The following ARID4B variants were observed in gnomAD, a reference collection of about 807,000 sequenced individuals.
ARID4B encodes the protein AT-rich interactive domain-containing protein 4B.
A neutral mutation model predicts 147.5 loss-of-function variants in ARID4B; 26 were observed. The observed-to-expected ratio is 0.18, with a 90% CI of 0.13 to 0.24. The LOEUF (loss-of-function observed/expected upper bound fraction) is 0.24, where lower values mean the gene tolerates loss of function less well. Among genes scored for constraint, ARID4B ranks in the 10% least tolerant of loss-of-function variants. The pLI is 1.00. For missense variants in ARID4B, 1,179 were observed against 1,511.5 expected (o/e 0.78, Z 3.65); for synonymous variants, 512 against 507.9 (o/e 1.01, Z -0.11).
At position 235,227,830 on chromosome 1, in the gene ARID4B, A is replaced by ATT. The variant is rs1166758894; in HGVS notation, c.897+1399_897+1400dup. ...AGATATTGATCTTTACTTTTCTGCT[A>ATT]TTTTTTTTTTTTTTTTTTTTGAGAC... On this transcript the variant is annotated intron_variant, in intron 11 of 23. Transcript: ENST00000264183. Among the ~76,000 whole-genome samples the ATT allele has an allele frequency of 3.1e-3, 391 of 125,280 alleles. 4 individuals carry two copies. The highest frequency in any genetic ancestry group is 0.01 in the African/African-American group (334 of 31,894). 82.2% of individuals were successfully genotyped at this position (125,280 alleles called of 152,430 possible).
intron 2 of ARID4B, among the ~76,000 whole-genome samples, chr1:235,301,516 G>A (rs1673137386): frequency 6.7e-6 from 1 of 148,988 alleles, no homozygotes. Context: ...TCCAGCCGGT[G>A]AGAGTGAGAC....
intron 21 of ARID4B, among the ~76,000 whole-genome samples, chr1:235,176,511 G>C (rs1285664078): frequency 7.4e-6 from 1 of 135,068 alleles, no homozygotes; most frequent in Non-Finnish European, 1.6e-5. Flanking sequence ...AAATAGTAAA[G>C]GTAGATAGCA....
chr1:235,246,479 C>T lies in ARID4B; in HGVS notation c.387G>A (p.Glu129=). The T allele has an allele frequency of 6.2e-7, 1 of 1,613,878 alleles. No homozygotes were observed. The highest frequency in any genetic ancestry group is 8.5e-7 in the Non-Finnish European group (1 of 1,179,826). Reference sequence around the variant, plus strand: ...TTCCTATGACTGGAGTGCCAAAATGCTCAGGGTTGGTGAGTGGGAGCTGGT... The same window carrying T: ...TTCCTATGACTGGAGTGCCAAAATGTTCAGGGTTGGTGAGTGGGAGCTGGT... The part of the protein sequence containing the change: ...TLDQLPLTNP[E]HFGTPVIGKK... The change falls in exon 7 of 24, where the codon GAG becomes GAA. Residue 129 remains glutamate (E), a synonymous_variant. Transcript: ENST00000264183.
At chr1:235,230,436 CAAAACAA>C (rs1434025343) in intron 10 of ARID4B, among the ~76,000 whole-genome samples, 2 of 144,474 alleles carry the variant, frequency 1.4e-5, no homozygotes, top group African/African-American at 5.3e-5. Flanking sequence ...CAAAACAAAA[CAAAACAA>C]AAAAAACAAC....
chr1:235,202,789 AT>A (rs1313932891), intron 17 of ARID4B, among the ~76,000 whole-genome samples: 4 of 152,114 alleles, frequency 2.6e-5, no homozygotes, highest in African/African-American at 9.6e-5. Context: ...ACCTTAGGTG[AT>A]TTGCCTGCCT....
intron 17 of ARID4B, among the ~76,000 whole-genome samples, chr1:235,205,523 G>C (rs1426812774): frequency 6.6e-6 from 1 of 152,028 alleles, no homozygotes; most frequent in African/African-American, 2.4e-5. Context: ...AAAGTTCTTA[G>C]AAGAAAACAT....
intron 20 of ARID4B, chr1:235,180,124 TTTC>T (rs1664203677): frequency 7.1e-6 from 1 of 141,482 alleles, no homozygotes; most frequent in African/African-American, 2.6e-5. Flanking sequence ...TTTTCTTTCT[TTTC>T]TTGTTTTTTC....
chr1:235,326,778 G>A, intron 2 of ARID4B, 136 bp downstream of exon 2: 1 of 1,125,612 alleles, frequency 8.9e-7, no homozygotes, highest in Non-Finnish European at 1.3e-6. Context: ...GTCTCTCTGG[G>A]GAAGGGCTCG....
intron 9 of ARID4B, among the ~76,000 whole-genome samples, chr1:235,232,594 C>T (rs558183819): frequency 1.9e-4 from 28 of 151,030 alleles, no homozygotes; most frequent in Admixed American, 1.4e-3. Context: ...ATTTGCCGAG[C>T]GTGGTGGCAC....
chr1:235,321,472 A>G (rs563821048), intron 2 of ARID4B, among the ~76,000 whole-genome samples: 1 of 152,084 alleles, frequency 6.6e-6, no homozygotes, highest in Non-Finnish European at 1.5e-5. Context: ...AAAAACCTCC[A>G]TCTTCTTCCT....
intron 2 of ARID4B, among the ~76,000 whole-genome samples, chr1:235,273,105 T>C (rs1259654621): frequency 6.6e-6 from 1 of 152,220 alleles, no homozygotes; most frequent in Non-Finnish European, 1.5e-5. Flanking sequence ...TGGCGCAATC[T>C]TGGCTCACTG....
chr1:235,247,881 G>A (rs1474843374), intron 6 of ARID4B, among the ~76,000 whole-genome samples: 4 of 151,982 alleles, frequency 2.6e-5, no homozygotes, highest in Admixed American at 1.3e-4. Flanking sequence ...CCAGCTACTC[G>A]GGAGGCTGAG....
chr1:235,212,919 T>C (rs944189678), intron 17 of ARID4B, among the ~76,000 whole-genome samples: 1 of 152,312 alleles, frequency 6.6e-6, no homozygotes, highest in Non-Finnish European at 1.5e-5. Context: ...AGGTACACCA[T>C]GAAACCACAA....
chr1:235,244,079 A>C (rs878994140), intron 7 of ARID4B, among the ~76,000 whole-genome samples: 40 of 152,180 alleles, frequency 2.6e-4, no homozygotes, highest in Admixed American at 2.0e-4. Flanking sequence ...TACATGAATT[A>C]TACACTAATT....
chr1:235,214,168 C>T, intron 16 of ARID4B, 142 bp from the exon 17 acceptor site: 1 of 1,011,934 alleles, frequency 9.9e-7, no homozygotes, highest in South Asian at 2.2e-5. Context: ...CTCAGAGTTT[C>T]ATTTTACTAT....
At chr1:235,224,825 T>C in intron 11 of ARID4B, 50 bp from the exon 12 acceptor site, 1 of 1,287,870 alleles carries the variant, frequency 7.8e-7, no homozygotes, top group African/African-American at 1.5e-5. Context: ...AGCATTTTAA[T>C]AAAACAAGCA....
chr1:235,227,057 G>A (rs1001302974), intron 11 of ARID4B, among the ~76,000 whole-genome samples: 1 of 152,158 alleles, frequency 6.6e-6, no homozygotes, highest in South Asian at 2.1e-4. Context: ...TTAGAGAGAT[G>A]GCACCTAAGT....
intron 20 of ARID4B, chr1:235,180,928 G>T: frequency 5.6e-6 from 1 of 179,108 alleles, no homozygotes; most frequent in Non-Finnish European, 1.1e-5. Flanking sequence ...TAATACTTTG[G>T]GAAGGTACCG....
At chr1:235,195,448 C>T (rs1665426091) in intron 18 of ARID4B, among the ~76,000 whole-genome samples, 1 of 151,968 alleles carries the variant, frequency 6.6e-6, no homozygotes, top group Admixed American at 6.6e-5. Flanking sequence ...CAAAAATTAG[C>T]CAGGTGTGGT....
Sources: gnomAD v4.1 joint callset for allele counts (sites outside exome capture counted in the v4.1 genomes callset) on GRCh38, gnomAD v4.1.1 for gene constraint, MANE v1.5 for transcripts, NCBI Gene and HGNC (gene_info 2026-07-23, HGNC 2026-07-21) for gene names.